Variants in FHIT observed in about 807,000 individuals in gnomAD.
FHIT encodes the protein fragile histidine triad diadenosine triphosphatase.
In FHIT, 19 loss-of-function variants were observed where a neutral mutation model predicts 17.9. The ratio of observed to expected loss-of-function variants is 1.06; its 90% CI spans 0.74 to 1.56. FHIT has a LOEUF of 1.56. FHIT is among the 40% of genes most tolerant of loss of function. The pLI, the probability that FHIT is intolerant of heterozygous loss-of-function variation, is 0.00. For synonymous variants in FHIT, 81 were observed against 69.7 expected, an observed-to-expected ratio of 1.16 and a Z score of -0.81; for missense variants, 248 against 189.2, an observed-to-expected ratio of 1.31 and a Z score of -1.82.
At chr3:60,683,853 G>T (rs1327925523) in intron 4 of FHIT, among the ~76,000 whole-genome samples, 3 of 152,056 alleles carry the variant, frequency 2.0e-5, no homozygotes, top group African/African-American at 7.2e-5. Flanking sequence ...TCATTTTTGG[G>T]TAATACATCT....
At chr3:60,431,892 A>T (rs1020645527) in intron 5 of FHIT, among the ~76,000 whole-genome samples, 1 of 152,066 alleles carries the variant, frequency 6.6e-6, no homozygotes, top group Non-Finnish European at 1.5e-5. Context: ...GCATAGTTTT[A>T]TTAGAGGAAA....
chr3:60,372,106 G>C (rs1054885493), intron 5 of FHIT, among the ~76,000 whole-genome samples: 2 of 152,068 alleles, frequency 1.3e-5, no homozygotes, highest in Admixed American at 6.5e-5. Flanking sequence ...AATGCATCAT[G>C]TACTTTTACC....
intron 4 of FHIT, among the ~76,000 whole-genome samples, chr3:60,652,727 C>CAAAAA (rs782637479): frequency 5.1e-5 from 3 of 58,992 alleles, no homozygotes; most frequent in Non-Finnish European, 9.9e-5. Context: ...GACTCCATCT[C>CAAAAA]AAAAAAAAAA....
At chr3:60,755,576 G>A (rs1416091015) in intron 4 of FHIT, among the ~76,000 whole-genome samples, 1 of 152,188 alleles carries the variant, frequency 6.6e-6, no homozygotes, top group African/African-American at 2.4e-5. Context: ...TTATCAGCAA[G>A]TGTTTGCTAT....
chr3:60,460,238 G>A (rs1021989288), intron 5 of FHIT, among the ~76,000 whole-genome samples: 1 of 152,114 alleles, frequency 6.6e-6, no homozygotes, highest in African/African-American at 2.4e-5. Context: ...TAAAATTAGG[G>A]AAAGTCTTTT....
At chr3:60,067,287 T>C (rs1464861235) in intron 5 of FHIT, among the ~76,000 whole-genome samples, 1 of 152,104 alleles carries the variant, frequency 6.6e-6, no homozygotes, top group African/African-American at 2.4e-5. Flanking sequence ...CCTAGCACTA[T>C]GCCAGCCATA....
intron 7 of FHIT, among the ~76,000 whole-genome samples, chr3:59,954,443 G>T (rs1159964397): frequency 3.9e-5 from 6 of 152,052 alleles, no homozygotes; most frequent in Non-Finnish European, 8.8e-5. Context: ...CTGCTCTTTG[G>T]AGACAAATAA....
intron 4 of FHIT, among the ~76,000 whole-genome samples, chr3:60,804,646 G>A (rs570060105): frequency 3.3e-5 from 5 of 152,084 alleles, no homozygotes; most frequent in Admixed American, 6.6e-5. Context: ...GAGATAGCTC[G>A]GCCTTATGAA....
chr3:59,843,843 T>C (rs951136020), intron 8 of FHIT, among the ~76,000 whole-genome samples: 9 of 152,122 alleles, frequency 5.9e-5, no homozygotes, highest in Admixed American at 2.0e-4. Context: ...AGTTTGTATG[T>C]TGTCCCCTTC....
intron 2 of FHIT, among the ~76,000 whole-genome samples, chr3:61,189,084 G>A (rs1324278622): frequency 6.6e-6 from 1 of 152,134 alleles, no homozygotes; most frequent in African/African-American, 2.4e-5. Context: ...TCTGGCCAGG[G>A]CGATCAGGCA....
intron 4 of FHIT, among the ~76,000 whole-genome samples, chr3:60,766,369 G>A (rs1364730779): frequency 2.0e-5 from 3 of 152,234 alleles, no homozygotes; most frequent in East Asian, 1.9e-4. Flanking sequence ...AATCTGGGCA[G>A]CCTGTCCGGC....
intron 5 of FHIT, among the ~76,000 whole-genome samples, chr3:60,464,687 A>G (rs1384857774): frequency 6.6e-6 from 1 of 152,134 alleles, no homozygotes; most frequent in East Asian, 1.9e-4. Context: ...GCAAATGACA[A>G]GATATCATTC....
intron 5 of FHIT, among the ~76,000 whole-genome samples, chr3:60,254,665 C>A (rs925965478): frequency 6.6e-6 from 1 of 152,272 alleles, no homozygotes; most frequent in African/African-American, 2.4e-5. Flanking sequence ...TGGACTTGGA[C>A]ATTAAATCAA....
chr3:60,838,435 G>C (rs1156232422), intron 3 of FHIT, among the ~76,000 whole-genome samples: 4 of 152,164 alleles, frequency 2.6e-5, no homozygotes, highest in Non-Finnish European at 2.9e-5. Flanking sequence ...TCGCGCCACC[G>C]CACTCCAGCC....
chr3:60,543,456 C>T (rs1490112691), intron 4 of FHIT, among the ~76,000 whole-genome samples: 2 of 152,084 alleles, frequency 1.3e-5, no homozygotes, highest in African/African-American at 4.8e-5. Flanking sequence ...AAATATTCAA[C>T]GAAGCCATTT....
At chr3:59,963,311 T>C (rs1237309670) in intron 7 of FHIT, among the ~76,000 whole-genome samples, 2 of 151,878 alleles carry the variant, frequency 1.3e-5, no homozygotes, top group Non-Finnish European at 2.9e-5. Context: ...GAAAAATGTA[T>C]TGTTAGTCTT....
At chr3:60,136,477 G>A (rs1206902723) in intron 5 of FHIT, among the ~76,000 whole-genome samples, 1 of 151,996 alleles carries the variant, frequency 6.6e-6, no homozygotes, top group African/African-American at 2.4e-5. Flanking sequence ...CTAACCCCTG[G>A]TCTCACATAC....
At position 60,273,987 on chromosome 3, in the gene FHIT, G is replaced by C. The variant is rs199731456; in HGVS notation, c.104-259835C>G. 3.4e-4 allele frequency among the ~76,000 whole-genome samples: 51 copies of C among 152,194 alleles called. No homozygotes were observed. The East Asian group carries it at 9.8e-3, about 29-fold the overall frequency. On this transcript the variant is annotated intron_variant, in intron 5 of 9. Coordinates refer to ENST00000492590, the MANE Select transcript of FHIT (RefSeq NM_002012.4). ...TAATTAATATTTAACGAAGACAATTGAAAGAACACAACTATGACAAATTAC... is the reference window on the plus strand; with the variant it reads ...TAATTAATATTTAACGAAGACAATTCAAAGAACACAACTATGACAAATTAC...
At chr3:61,133,023 G>A (rs556958914) in intron 2 of FHIT, among the ~76,000 whole-genome samples, 4 of 152,120 alleles carry the variant, frequency 2.6e-5, no homozygotes, top group Non-Finnish European at 5.9e-5. Context: ...GGTAGTTGGC[G>A]ACTATAGTGC....
Sources: gnomAD v4.1 joint callset for allele counts (sites outside exome capture counted in the v4.1 genomes callset) on GRCh38, gnomAD v4.1.1 for gene constraint, MANE v1.5 for transcripts, NCBI Gene and HGNC (gene_info 2026-07-23, HGNC 2026-07-21) for gene names.